RBM15B: variants seen among roughly 807,000 people sequenced by gnomAD.
The protein encoded by RBM15B is putative RNA-binding protein 15B.
RBM15B carries 11 observed loss-of-function variants against 53.3 expected under a neutral mutation model. The observed-to-expected ratio is 0.21, with a 90% CI of 0.13 to 0.34. RBM15B has a LOEUF of 0.34. Ranked by LOEUF, RBM15B falls within the 10% of genes least tolerant of loss-of-function variation. The pLI is 1.00. For synonymous variants in RBM15B, 631 were observed against 540.7 expected, an observed-to-expected ratio of 1.17 and a Z score of -2.32; for missense variants, 1,136 against 1,250.3, an observed-to-expected ratio of 0.91 and a Z score of 1.38.
rs549995751 is a variant in RBM15B at position 51,397,411 on chromosome 3, C to G, written c.*3339C>G. On this transcript the variant is annotated 3_prime_UTR_variant, in exon 1 of 1. Coordinates refer to ENST00000563281, the MANE Select transcript of RBM15B (RefSeq NM_013286.5). ...GCCAGGATGCTCAAGTCCACTGTCA[C>G]AATCCCTTTCAGAAAACATTAGTGG... is the stretch of plus-strand genomic sequence containing the variant. 1 of 167,224 alleles carries G rather than the reference C, an allele frequency of 6.0e-6. No individual in the cohort carries two copies. The highest frequency in any genetic ancestry group is 6.5e-5 in the Admixed American group (1 of 15,312). 10.4% of individuals were successfully genotyped at this position (167,224 alleles called of 1,614,324 possible).
chr3:51,392,132 G>A lies in RBM15B; in HGVS notation c.733G>A (p.Ala245Thr). 6.5e-7 allele frequency: 1 copy of A among 1,535,630 alleles called. No homozygotes were observed. Among genetic ancestry groups the A allele is most frequent in the Non-Finnish European group, 8.7e-7 (1 of 1,146,678 alleles). ...AASTPPPGPP[A>T]PADPLGYLPL... ...TTCCACGCCTCCCCCAGGGCCGCCC[G>A]CGCCCGCCGACCCGCTCGGCTACCT... Residue 245 changes from alanine to threonine, a missense_variant, in exon 1 of 1, where the codon GCG becomes ACG. By Grantham distance (58) the Ala-to-Thr change is moderately conservative. Coordinates refer to ENST00000563281, the MANE Select transcript of RBM15B (RefSeq NM_013286.5). The surrounding 1 kb of genome is among the most constrained non-coding windows in gnomAD (Gnocchi z 7.5).
chr3:51,396,661 G>A lies in RBM15B; in HGVS notation c.*2589G>A, dbSNP rs782782420. 6.0e-6 allele frequency: 1 copy of A among 167,150 alleles called. No individual in the cohort carries two copies. Among genetic ancestry groups the A allele is most frequent in the Non-Finnish European group, 1.5e-5 (1 of 68,140 alleles). 10.4% of individuals were successfully genotyped at this position (167,150 alleles called of 1,614,324 possible). A position where few individuals can be genotyped will look rare whatever the true frequency, so the allele number is the denominator to read the frequency against. ...CGATTTTCAGCCCTGGTAGAATAAG[G>A]AAGACAGCTGATGCCTCCTTAGCCC... is the stretch of plus-strand genomic sequence containing the variant. On this transcript the variant is annotated 3_prime_UTR_variant, in exon 1 of 1. Transcript: ENST00000563281.
In RBM15B at chr3:51,393,398, C is replaced by A; in HGVS notation, c.1999C>A (p.His667Asn). 1.2e-6 allele frequency: 2 copies of A among 1,613,662 alleles called. No individual in the cohort carries two copies. Among genetic ancestry groups the A allele is most frequent in the Non-Finnish European group, 1.7e-6 (2 of 1,179,910 alleles). ...RHGAEERGHH[H>N]HHHEAADSSH... ...TGGGGCTGAGGAACGGGGCCACCACCACCACCACCACGAGGCTGCAGACTC... is the reference window on the plus strand; with the variant it reads ...TGGGGCTGAGGAACGGGGCCACCACAACCACCACCACGAGGCTGCAGACTC... Residue 667 changes from histidine (H) to asparagine (N), a missense_variant, in exon 1 of 1, where the codon CAC becomes AAC. Around this residue, in one of 7 missense-constraint regions of RBM15B, gnomAD observed 578 missense variants for 581.6 expected, o/e 0.99. Transcript: ENST00000563281. The surrounding 1 kb of genome is among the most constrained non-coding windows in gnomAD (Gnocchi z 5.6).
In RBM15B at chr3:51,394,149, AC is replaced by A; in HGVS notation, c.*79del. On this transcript the variant is annotated 3_prime_UTR_variant, in exon 1 of 1. Transcript: ENST00000563281. ...TAAAATCTGATCCCCTCTCTACCCT[AC>A]CACTTTGGTTTGAATTATCTCCTGG... 1 of 1,318,578 alleles carries A rather than the reference AC, an allele frequency of 7.6e-7. No individual in the cohort carries two copies. Among genetic ancestry groups the A allele is most frequent in the South Asian group, 3.0e-5 (1 of 33,464 alleles). 81.7% of individuals were successfully genotyped at this position (1,318,578 alleles called of 1,614,324 possible).
Position 51,394,248 on chromosome 3 carries a change from A to G in RBM15B, c.*176A>G. ...AAACTAAGTTCTTAGATTTTGGGGG[A>G]TTTTTTTTTTTAAACGATGAGAAGG... is the stretch of plus-strand genomic sequence containing the variant. On this transcript the variant is annotated 3_prime_UTR_variant, in exon 1 of 1. Transcript: ENST00000563281. The G allele has an allele frequency of 1.2e-6, 1 of 800,640 alleles. No homozygotes were observed. Among genetic ancestry groups the G allele is most frequent in the Non-Finnish European group, 1.7e-6 (1 of 601,936 alleles). 49.6% of individuals were successfully genotyped at this position (800,640 alleles called of 1,614,324 possible). A position where few individuals can be genotyped will look rare whatever the true frequency, so the allele number is the denominator to read the frequency against.
chr3:51,391,558 C>T lies in RBM15B; in HGVS notation c.159C>T (p.Ala53=). 2 of 1,182,578 alleles carry T rather than the reference C, an allele frequency of 1.7e-6. No homozygotes were observed. The highest frequency in any genetic ancestry group is 2.1e-6 in the Non-Finnish European group (2 of 956,620). 73.3% of individuals were successfully genotyped at this position (1,182,578 alleles called of 1,614,324 possible). ...GGAKHPVPAR[A]RDKPRGSGSG... The stretch of plus-strand genomic sequence containing the variant: ...CCAAGCACCCGGTTCCAGCGCGGGC[C>T]CGCGACAAACCCCGCGGCAGCGGAA... Residue 53 remains alanine (A), a synonymous_variant, in exon 1 of 1, where the codon GCC becomes GCT. Transcript: ENST00000563281. This position sits in a 1 kb window ranked among gnomAD's most constrained non-coding sequence, Gnocchi z 4.5.
rs1553621508 is a variant in RBM15B at position 51,391,484 on chromosome 3, G to C, written c.85G>C (p.Glu29Gln). The change falls in exon 1 of 1, where the codon GAG becomes CAG. Residue 29 changes from glutamate to glutamine, a missense_variant. By Grantham distance (29) the Glu-to-Gln change is conservative. Transcript: ENST00000563281. This position sits in a 1 kb window ranked among gnomAD's most constrained non-coding sequence, Gnocchi z 4.5. ...CAAGCGTCCGCGGGAGCGCGAACGGGAGGCGGAGGCGGGCGGGCGGCGGGC... is the reference window on the plus strand; with the variant it reads ...CAAGCGTCCGCGGGAGCGCGAACGGCAGGCGGAGGCGGGCGGGCGGCGGGC... ...SAKRPRERER[E>Q]AEAGGRRAAH... is the part of the protein sequence containing the mutation. 1 of 1,234,348 alleles carries C rather than the reference G, an allele frequency of 8.1e-7. No individual in the cohort carries two copies. Among genetic ancestry groups the C allele is most frequent in the East Asian group, 3.5e-5 (1 of 28,734 alleles). 76.5% of individuals were successfully genotyped at this position (1,234,348 alleles called of 1,614,324 possible). A position where few individuals can be genotyped will look rare whatever the true frequency, so the allele number is the denominator to read the frequency against.
chr3:51,394,746 T>G lies in RBM15B; in HGVS notation c.*674T>G, dbSNP rs2089115827. 6.0e-6 allele frequency: 1 copy of G among 166,998 alleles called. No homozygotes were observed. Among genetic ancestry groups the G allele is most frequent in the African/African-American group, 2.4e-5 (1 of 41,414 alleles). 10.3% of individuals were successfully genotyped at this position (166,998 alleles called of 1,614,324 possible). ...CATCATCAGTTTGAGCTGTGGCTGT[T>G]TGTTTGGGACAGAGTGCCCACTCAG... is the stretch of plus-strand genomic sequence containing the variant. On this transcript the variant is annotated 3_prime_UTR_variant, in exon 1 of 1. Transcript: ENST00000563281.
chr3:51,397,800 G>A lies in RBM15B; in HGVS notation c.*3728G>A, dbSNP rs539093761. Reference sequence around the variant, plus strand: ...GGCCTGGCTAGAGCTGCAAAAAAGGGACACACCCCACTTCGGTAAAAGAAA... The same window carrying A: ...GGCCTGGCTAGAGCTGCAAAAAAGGAACACACCCCACTTCGGTAAAAGAAA... On this transcript the variant is annotated 3_prime_UTR_variant, in exon 1 of 1. Coordinates refer to ENST00000563281, the MANE Select transcript of RBM15B (RefSeq NM_013286.5). 6.0e-6 allele frequency: 1 copy of A among 167,100 alleles called. No homozygotes were observed. Among genetic ancestry groups the A allele is most frequent in the South Asian group, 2.1e-4 (1 of 4,832 alleles). The allele number at this position is 167,100 out of a possible 1,614,324, so 10.4% of individuals were successfully genotyped here.
chr3:51,391,747 GCCGCCT>G lies in RBM15B; in HGVS notation c.354_359del (p.Pro121_Pro122del). ...TGTCGCCCCGCGCGTCTCCTCTGCCGCCGCCTCCGCCACCGCCTGGGGCCGAGCCCG... is the reference window on the plus strand; with the variant it reads ...TGTCGCCCCGCGCGTCTCCTCTGCCGCCGCCACCGCCTGGGGCCGAGCCCG... On this transcript the variant is annotated inframe_deletion, in exon 1 of 1. Coordinates refer to ENST00000563281, the MANE Select transcript of RBM15B (RefSeq NM_013286.5). The surrounding 1 kb of genome is among the most constrained non-coding windows in gnomAD (Gnocchi z 4.5). 6.5e-7 allele frequency: 1 copy of G among 1,543,524 alleles called. No individual in the cohort carries two copies. Among genetic ancestry groups the G allele is most frequent in the South Asian group, 1.2e-5 (1 of 85,654 alleles).
rs781960086 is a variant in RBM15B, at chr3:51,393,936, G to T, written c.2537G>T (p.Gly846Val). ...AGCTTGCCAGTGGGGGGGTCCAAGG[G>T]CAGAGACGGCACAGGCATGCTCTAC... ...VISLPVGGSK[G>V]RDGTGMLYAF... Residue 846 changes from glycine to valine, a missense_variant, in exon 1 of 1, where the codon GGC becomes GTC. Gly to Val is a moderately radical substitution (Grantham distance 109). Around this residue, in one of 7 missense-constraint regions of RBM15B, gnomAD observed 578 missense variants for 581.6 expected, o/e 0.99. Transcript: ENST00000563281. The surrounding 1 kb of genome is among the most constrained non-coding windows in gnomAD (Gnocchi z 5.6). 2 of 1,537,998 alleles carry T rather than the reference G, an allele frequency of 1.3e-6. No individual in the cohort carries two copies.
rs1196369397 is a variant in RBM15B, at chr3:51,393,265, G to T, written c.1866G>T (p.Gln622His). Residue 622 changes from glutamine to histidine, a missense_variant, in exon 1 of 1, where the codon CAG (glutamine) becomes CAT (histidine). Gln to His is a conservative substitution (Grantham distance 24). Around this residue, in one of 7 missense-constraint regions of RBM15B, gnomAD observed 578 missense variants for 581.6 expected, o/e 0.99. Coordinates refer to ENST00000563281, the MANE Select transcript of RBM15B (RefSeq NM_013286.5). The surrounding 1 kb of genome is among the most constrained non-coding windows in gnomAD (Gnocchi z 5.6). ...GGAGTAGGACCAAGGGCAGTGGGCA[G>T]CAGTCAGAGCGGGGCTCCGACCGCA... The part of the protein sequence containing the change: ...EERSRTKGSG[Q>H]QSERGSDRTP... 1 of 1,612,690 alleles carries T rather than the reference G, an allele frequency of 6.2e-7. No individual in the cohort carries two copies. Among genetic ancestry groups the T allele is most frequent in the Non-Finnish European group, 8.5e-7 (1 of 1,179,448 alleles).
Position 51,396,210 on chromosome 3 carries a change from G to C in RBM15B, c.*2138G>C. 1 of 334,866 alleles carries C rather than the reference G, an allele frequency of 3.0e-6. No homozygotes were observed. Among genetic ancestry groups the C allele is most frequent in the Non-Finnish European group, 5.6e-6 (1 of 177,026 alleles). 20.7% of individuals were successfully genotyped at this position (334,866 alleles called of 1,614,324 possible). On this transcript the variant is annotated 3_prime_UTR_variant, in exon 1 of 1. Transcript: ENST00000563281. ...TCCCAGCTTTGTGAGACAGAACCAA[G>C]TAAAAGGAAACATGCTAGAAAACGT... is the stretch of plus-strand genomic sequence containing the variant.
rs2089265493 is a variant in RBM15B, at chr3:51,397,336, CT to C, written c.*3265del. On this transcript the variant is annotated 3_prime_UTR_variant, in exon 1 of 1. Transcript: ENST00000563281. ...TTAACCATAGGCCAATTTTAGGGGCCTCTGAAGTATCTTTCTACAAACGCAG... is the reference window on the plus strand; with the variant it reads ...TTAACCATAGGCCAATTTTAGGGGCCCTGAAGTATCTTTCTACAAACGCAG... 6.0e-6 allele frequency: 1 copy of C among 167,090 alleles called. No homozygotes were observed. Among genetic ancestry groups the C allele is most frequent in the African/African-American group, 2.4e-5 (1 of 41,426 alleles). 10.4% of individuals were successfully genotyped at this position (167,090 alleles called of 1,614,324 possible).
At position 51,394,629 on chromosome 3, in the gene RBM15B, A is replaced by T. The variant is rs1194010112; in HGVS notation, c.*557A>T. On this transcript the variant is annotated 3_prime_UTR_variant, in exon 1 of 1. Transcript: ENST00000563281. ...GACGCTGCCACACAAGCCTGAGTAG[A>T]GCCCATGCAAAGGAAGGGATGGGGT... 2 of 167,122 alleles carry T rather than the reference A, an allele frequency of 1.2e-5. No individual in the cohort carries two copies. The highest frequency in any genetic ancestry group is 4.8e-5 in the African/African-American group (2 of 41,466). 10.4% of individuals were successfully genotyped at this position (167,122 alleles called of 1,614,324 possible).
In RBM15B at chr3:51,391,326, T is replaced by A. The variant is rs2089032425; in HGVS notation, c.-74T>A. On this transcript the variant is annotated 5_prime_UTR_variant, in exon 1 of 1. Coordinates refer to ENST00000563281, the MANE Select transcript of RBM15B (RefSeq NM_013286.5). The surrounding 1 kb of genome is among the most constrained non-coding windows in gnomAD (Gnocchi z 4.5). ...TCCAAGATGGCGGCGCCGGGGGCGC[T>A]GCCTCCTCGGCCGCCGCCTCCGCCG... is the stretch of plus-strand genomic sequence containing the variant. 8.8e-7 allele frequency: 1 copy of A among 1,131,304 alleles called. No individual in the cohort carries two copies. Among genetic ancestry groups the A allele is most frequent in the Non-Finnish European group, 1.1e-6 (1 of 915,466 alleles). The allele number at this position is 1,131,304 out of a possible 1,614,324, so 70.1% of individuals were successfully genotyped here. A position where few individuals can be genotyped will look rare whatever the true frequency, so the allele number is the denominator to read the frequency against.
In RBM15B at chr3:51,391,762, G is replaced by C. The variant is rs781952603; in HGVS notation, c.363G>C (p.Pro121=). The change falls in exon 1 of 1, where the codon CCG becomes CCC. Residue 121 remains proline (P), a synonymous_variant. Transcript: ENST00000563281. This position sits in a 1 kb window ranked among gnomAD's most constrained non-coding sequence, Gnocchi z 4.5. ...RASPLPPPPP[P]PGAEPACPGS... is the part of the protein sequence containing the mutation. ...CTCCTCTGCCGCCGCCTCCGCCACC[G>C]CCTGGGGCCGAGCCCGCGTGTCCCG... 2.0e-5 allele frequency: 31 copies of C among 1,574,114 alleles called. No homozygotes were observed. Among genetic ancestry groups the C allele is most frequent in the Middle Eastern group, 1.7e-4 (1 of 5,782 alleles).
Position 51,395,872 on chromosome 3 carries a change from G to A in RBM15B, c.*1800G>A, listed in dbSNP as rs1228771959. Reference sequence around the variant, plus strand: ...TAACAAAACAGCAACACAAAGACATGTTAAGCATGTTTATTTATTTGCCTG... The same window carrying A: ...TAACAAAACAGCAACACAAAGACATATTAAGCATGTTTATTTATTTGCCTG... On this transcript the variant is annotated 3_prime_UTR_variant, in exon 1 of 1. Transcript: ENST00000563281. 1.2e-5 allele frequency: 5 copies of A among 413,426 alleles called. No homozygotes were observed. Among genetic ancestry groups the A allele is most frequent in the Non-Finnish European group, 1.8e-5 (4 of 226,158 alleles). 25.6% of individuals were successfully genotyped at this position (413,426 alleles called of 1,614,324 possible).
At position 51,394,547 on chromosome 3, in the gene RBM15B, C is replaced by A. The variant is rs528536092; in HGVS notation, c.*475C>A. On this transcript the variant is annotated 3_prime_UTR_variant, in exon 1 of 1. Coordinates refer to ENST00000563281, the MANE Select transcript of RBM15B (RefSeq NM_013286.5). ...CAATTCTTCAGGCTCAGTCTGGACT[C>A]TACTTACACTCATTTTTATCTTGGC... The A allele has an allele frequency of 6.1e-6, 1 of 163,568 alleles. No individual in the cohort carries two copies. The highest frequency in any genetic ancestry group is 2.1e-4 in the South Asian group (1 of 4,772). The allele number at this position is 163,568 out of a possible 1,614,324, so 10.1% of individuals were successfully genotyped here. A position where few individuals can be genotyped will look rare whatever the true frequency, so the allele number is the denominator to read the frequency against.
Sources: gnomAD v4.1 joint callset for allele counts on GRCh38, gnomAD v4.1.1 for gene constraint, gnomAD v4.1.1 regional missense constraint, Gnocchi (gnomAD v3.1) non-coding constraint, MANE v1.5 for transcripts, NCBI Gene and HGNC (gene_info 2026-07-23, HGNC 2026-07-21) for gene names.